TMC1: variants seen among roughly 807,000 people sequenced by gnomAD.
TMC1 encodes the protein transmembrane channel like 1.
Under a neutral mutation model 105.8 loss-of-function variants are expected in TMC1, and 84 were observed. The ratio of observed to expected loss-of-function variants is 0.79; its 90% CI spans 0.67 to 0.95. The LOEUF (loss-of-function observed/expected upper bound fraction) is 0.95, where lower values mean the gene tolerates loss of function less well. Ranked by LOEUF, TMC1 falls within the 40% of genes least tolerant of loss-of-function variation. The probability of loss-of-function intolerance (pLI) is 0.00; values close to 1 mark genes in which losing one functional copy is unlikely to be tolerated. For synonymous variants in TMC1, 315 were observed against 311.5 expected (o/e 1.01, Z -0.12); for missense variants, 817 against 914.1 (o/e 0.89, Z 1.37).
chr9:72,535,177 C>A (rs1823560419), intron 1 of TMC1, among the ~76,000 whole-genome samples: 2 of 152,106 alleles, frequency 1.3e-5, no homozygotes, highest in South Asian at 2.1e-4. Context: ...CCTAAAGTTA[C>A]CCAGTTCACC....
Position 72,597,434 on chromosome 9 carries a change from C to T in TMC1, c.-305-18934C>T, listed in dbSNP as rs370728546. ...AAAGGAAGGGCCCCCTTCAGGGTAC[C>T]TGCTGTTCACCTTCCATTAGATTAA... On this transcript the variant is annotated intron_variant, in intron 2 of 23. Transcript: ENST00000297784. Among the ~76,000 whole-genome samples the T allele has an allele frequency of 2.6e-5, 4 of 152,314 alleles. No homozygotes were observed. The East Asian group carries it at 7.7e-4, about 29-fold the overall frequency.
intron 10 of TMC1, among the ~76,000 whole-genome samples, chr9:72,743,412 C>T (rs1038333652): frequency 7.5e-5 from 11 of 146,778 alleles, no homozygotes; most frequent in African/African-American, 2.7e-4. Context: ...AATAAAAGTA[C>T]AAAAAATTAG....
intron 1 of TMC1, among the ~76,000 whole-genome samples, chr9:72,570,227 A>AGGTGT (rs1245431785): frequency 9.7e-6 from 1 of 103,582 alleles, no homozygotes; most frequent in Non-Finnish European, 2.0e-5. Context: ...GGGCTCAAAG[A>AGGTGT]GTAGTGTGTG....
intron 13 of TMC1, among the ~76,000 whole-genome samples, chr9:72,781,630 A>G (rs1828094049): frequency 6.6e-6 from 1 of 152,178 alleles, no homozygotes; most frequent in African/African-American, 2.4e-5. Context: ...CAAAAGGGAC[A>G]TTACCAACAA....
chr9:72,592,946 G>A (rs556224786), intron 2 of TMC1, among the ~76,000 whole-genome samples: 1 of 152,320 alleles, frequency 6.6e-6, no homozygotes, highest in Admixed American at 6.5e-5. Context: ...TCTGCTGGAA[G>A]TAAGTGATAC....
intron 7 of TMC1, among the ~76,000 whole-genome samples, chr9:72,698,662 A>G (rs1826591357): frequency 6.6e-6 from 1 of 152,178 alleles, no homozygotes; most frequent in African/African-American, 2.4e-5. Flanking sequence ...GACGGTAACT[A>G]CTGGAAGCAG....
chr9:72,522,225 C>T (rs1420304090), intron 1 of TMC1, among the ~76,000 whole-genome samples: 1 of 151,528 alleles, frequency 6.6e-6, no homozygotes, highest in Non-Finnish European at 1.5e-5. Flanking sequence ...TCTCGGCTCC[C>T]CAAGTAGCTG....
chr9:72,661,807 C>T (rs1209329547), intron 5 of TMC1, among the ~76,000 whole-genome samples: 1 of 152,078 alleles, frequency 6.6e-6, no homozygotes, highest in Non-Finnish European at 1.5e-5. Flanking sequence ...CTGAAAAAGT[C>T]CAAGGATGAG....
Position 72,540,103 on chromosome 9 carries a change from C to T in TMC1, c.-428+18190C>T, listed in dbSNP as rs1277149232. On this transcript the variant is annotated intron_variant, in intron 1 of 23. Coordinates refer to ENST00000297784, the MANE Select transcript of TMC1 (RefSeq NM_138691.3). ...AGAACTCGCTCACTCCCACCCCTGC[C>T]AGGGAGGTCATTAATCTATTCATGA... 2.0e-5 allele frequency among the ~76,000 whole-genome samples: 3 copies of T among 152,138 alleles called. No individual in the cohort carries two copies. The East Asian group carries it at 5.8e-4, about 29-fold the overall frequency.
At chr9:72,802,582 G>A (rs183014416) in intron 17 of TMC1, among the ~76,000 whole-genome samples, 10 of 152,176 alleles carry the variant, frequency 6.6e-5, no homozygotes, top group Admixed American at 3.3e-4. Context: ...GCTCCTGAAC[G>A]ACTCCTGAGT....
intron 8 of TMC1, among the ~76,000 whole-genome samples, chr9:72,702,136 T>G (rs1826655586): frequency 6.6e-6 from 1 of 152,320 alleles, no homozygotes; most frequent in Admixed American, 6.5e-5. Flanking sequence ...ATTTGAAATA[T>G]TAATGACCCA....
At chr9:72,723,495 A>G (rs1166100635) in intron 8 of TMC1, among the ~76,000 whole-genome samples, 1 of 152,136 alleles carries the variant, frequency 6.6e-6, no homozygotes, top group African/African-American at 2.4e-5. Context: ...CATCTTACAT[A>G]TTTCTATTAA....
intron 12 of TMC1, among the ~76,000 whole-genome samples, chr9:72,762,706 A>T (rs961951720): frequency 6.6e-6 from 1 of 151,962 alleles, no homozygotes; most frequent in Non-Finnish European, 1.5e-5. Context: ...GGGGGTGAGG[A>T]CCCTCTCATC....
intron 12 of TMC1, among the ~76,000 whole-genome samples, chr9:72,769,615 G>C (rs530195748): frequency 9.9e-5 from 15 of 152,224 alleles, no homozygotes; most frequent in Non-Finnish European, 2.1e-4. Flanking sequence ...TCACTTGGAA[G>C]GGAACGTCAA....
chr9:72,826,969 G>A lies in TMC1; in HGVS notation c.2104G>A (p.Val702Ile), dbSNP rs747035869. ...GAGACAGCTTTCAAACCCTGGGCTG[G>A]TCATTGCTGTCATTTTGGTGATGGT... ...ILRQLSNPGL[V>I]IAVILVMVLA... The change falls in exon 21 of 24, where the codon GTC becomes ATC. Residue 702 changes from valine (V) to isoleucine (I), a missense_variant. By Grantham distance (29) the Val-to-Ile change is conservative (BLOSUM62 3). Coordinates refer to ENST00000297784, the MANE Select transcript of TMC1 (RefSeq NM_138691.3). The A allele has an allele frequency of 6.2e-7, 1 of 1,614,038 alleles. No homozygotes were observed. The highest frequency in any genetic ancestry group is 1.1e-5 in the South Asian group (1 of 91,086).
rs1564525592 is a variant in TMC1 at position 72,742,515 on chromosome 9, G to C, written c.525G>C (p.Lys175Asn). The change falls in exon 10 of 24, where the codon AAG becomes AAC. Residue 175 changes from lysine (K) to asparagine (N), a missense_variant. Physicochemically the swap from Lys to Asn is moderately conservative, Grantham distance 94. Coordinates refer to ENST00000297784, the MANE Select transcript of TMC1 (RefSeq NM_138691.3). ...AACVPWENKI[K>N]AIESQFGSSV... ...GTGTCCCATGGGAAAATAAAATCAA[G>C]GCTATTGAAAGTAAGTCCTTATCAG... The C allele has an allele frequency of 6.2e-7, 1 of 1,613,962 alleles. No individual in the cohort carries two copies. Among genetic ancestry groups the C allele is most frequent in the East Asian group, 2.2e-5 (1 of 44,874 alleles).
rs1487669194 is a variant in TMC1, at chr9:72,694,561, T to C, written c.83T>C (p.Val28Ala). 1.2e-6 allele frequency: 2 copies of C among 1,611,984 alleles called. No individual in the cohort carries two copies. The highest frequency in any genetic ancestry group is 2.7e-5 in the African/African-American group (2 of 74,670). Residue 28 changes from valine to alanine, a missense_variant, in exon 7 of 24, where the codon GTG (valine) becomes GCG (alanine). By Grantham distance (64) the Val-to-Ala change is moderately conservative. Coordinates refer to ENST00000297784, the MANE Select transcript of TMC1 (RefSeq NM_138691.3). ...EESSSEEEEE[V>A]EDKLPRRESL... ...TGTTTAGGTGAAGAGGAAGAGGAGG[T>C]GGAAGATAAGCTACCTCGAAGAGAG... is the stretch of plus-strand genomic sequence containing the variant.
At chr9:72,668,922 T>C (rs1156612027) in intron 5 of TMC1, among the ~76,000 whole-genome samples, 1 of 152,346 alleles carries the variant, frequency 6.6e-6, no homozygotes, top group East Asian at 1.9e-4. Context: ...TCAGACCTTC[T>C]GTATATTTTC....
At chr9:72,531,772 T>C (rs1337114719) in intron 1 of TMC1, among the ~76,000 whole-genome samples, 1 of 152,176 alleles carries the variant, frequency 6.6e-6, no homozygotes, top group Admixed American at 6.5e-5. Context: ...TGATTTTTTT[T>C]ACCCTCTTGG....
Sources: gnomAD v4.1 joint callset for allele counts (sites outside exome capture counted in the v4.1 genomes callset) on GRCh38, gnomAD v4.1.1 for gene constraint, MANE v1.5 for transcripts, NCBI Gene and HGNC (gene_info 2026-07-23, HGNC 2026-07-21) for gene names.